MICAL3: variants seen among roughly 807,000 people sequenced by gnomAD.
The protein encoded by MICAL3 is microtubule associated monooxygenase, calponin and LIM domain containing 3.
MICAL3 carries 62 observed loss-of-function variants against 207.4 expected under a neutral mutation model. That is an observed-to-expected ratio of 0.30 (90% CI 0.24 to 0.37). The LOEUF (loss-of-function observed/expected upper bound fraction) is 0.37. MICAL3 is among the 10% of genes least tolerant of loss of function. The pLI, the probability that MICAL3 is intolerant of heterozygous loss-of-function variation, is 1.00. For synonymous variants in MICAL3, 1,077 were observed against 1,069.3 expected (o/e 1.01, Z -0.14); for missense variants, 2,368 against 2,635.6 (o/e 0.90, Z 2.22).
At chr22:17,855,611 A>G (rs1401043526) in intron 19 of MICAL3, among the ~76,000 whole-genome samples, 2 of 152,258 alleles carry the variant, frequency 1.3e-5, no homozygotes, top group Admixed American at 1.3e-4. Context: ...GATGATATAG[A>G]GAAAATGAAG....
intron 1 of MICAL3, among the ~76,000 whole-genome samples, chr22:18,011,939 A>G (rs1256155676): frequency 6.6e-6 from 1 of 151,056 alleles, no homozygotes; most frequent in African/African-American, 2.4e-5. Context: ...AAAATTTTTT[A>G]AAAAAGAACT....
intron 29 of MICAL3, among the ~76,000 whole-genome samples, chr22:17,794,476 C>T (rs182702955): frequency 7.2e-5 from 11 of 152,378 alleles, no homozygotes; most frequent in East Asian, 3.9e-4. Flanking sequence ...CATCCGGTGA[C>T]GGGCCTCCAG....
At position 17,902,103 on chromosome 22, in the gene MICAL3, G is replaced by A. The variant is rs1931369581; in HGVS notation, c.590-124C>T. On this transcript the variant is annotated intron_variant, in intron 4 of 31. Transcript: ENST00000441493. This position sits in a 1 kb window ranked among gnomAD's most constrained non-coding sequence, Gnocchi z 4.5. The stretch of plus-strand genomic sequence containing the variant: ...TGGGCCAAAAACACTATGTGTAGAA[G>A]CAGTGGAGACAGAGGCTGTGCACGG... 3.0e-6 allele frequency: 2 copies of A among 672,292 alleles called. No individual in the cohort carries two copies. Among genetic ancestry groups the A allele is most frequent in the Non-Finnish European group, 5.2e-6 (2 of 388,070 alleles). 41.6% of individuals were successfully genotyped at this position (672,292 alleles called of 1,614,324 possible). A position where few individuals can be genotyped will look rare whatever the true frequency, so the allele number is the denominator to read the frequency against.
intron 16 of MICAL3, chr22:17,876,808 TTAGG>T (rs1239481072): frequency 3.5e-4 from 38 of 108,254 alleles, no homozygotes; most frequent in Non-Finnish European, 4.7e-4. Context: ...GTTATGGAGG[TTAGG>T]GAGGTTAGGG....
At chr22:17,794,043 C>T (rs930487512) in intron 29 of MICAL3, among the ~76,000 whole-genome samples, 7 of 152,314 alleles carry the variant, frequency 4.6e-5, no homozygotes, top group African/African-American at 7.2e-5. Context: ...CAGCACGGAA[C>T]TGAACGAGAG....
At chr22:17,974,468 T>G (rs960858682) in intron 1 of MICAL3, among the ~76,000 whole-genome samples, 2 of 152,170 alleles carry the variant, frequency 1.3e-5, no homozygotes, top group Non-Finnish European at 2.9e-5. Flanking sequence ...TCCCAACACT[T>G]TGGGAGGCCA....
rs115300659 is a variant in MICAL3, at chr22:17,988,359, C to T, written c.-75+35922G>A. On this transcript the variant is annotated intron_variant, in intron 1 of 31. Coordinates refer to ENST00000441493, the MANE Select transcript of MICAL3 (RefSeq NM_015241.3). ...TGTTCCAGTTCCTTGTCATGTCACA[C>T]CTGAATCATCCCCATCTGCCAGGGG... 3.9e-3 allele frequency among the ~76,000 whole-genome samples: 592 copies of T among 152,312 alleles called. 6 individuals carry two copies. Among genetic ancestry groups the T allele is most frequent in the African/African-American group, 0.014 (568 of 41,576 alleles).
chr22:17,818,907 T>G lies in MICAL3; in HGVS notation c.3754A>C (p.Thr1252Pro). ...ATGGGGAGTGGGCTGGGTGGGGGCGTGGAGGCCGCCACGGGTGGCTGGGGC... is the reference window on the plus strand; with the variant it reads ...ATGGGGAGTGGGCTGGGTGGGGGCGGGGAGGCCGCCACGGGTGGCTGGGGC... ...PQPQPPVAAS[T>P]PPPSPLPICS... is the part of the protein sequence containing the mutation. Residue 1252 changes from threonine (T) to proline (P), a missense_variant, in exon 26 of 32, where the codon ACG becomes CCG. Physicochemically the swap from Thr to Pro is conservative, Grantham distance 38. Coordinates refer to ENST00000441493, the MANE Select transcript of MICAL3 (RefSeq NM_015241.3). 6.4e-7 allele frequency: 1 copy of G among 1,562,662 alleles called. No homozygotes were observed. Among genetic ancestry groups the G allele is most frequent in the Non-Finnish European group, 8.7e-7 (1 of 1,154,218 alleles).
At chr22:17,943,876 T>C (rs1252509778) in intron 1 of MICAL3, among the ~76,000 whole-genome samples, 2 of 152,198 alleles carry the variant, frequency 1.3e-5, no homozygotes, top group Non-Finnish European at 2.9e-5. Flanking sequence ...AGGTGAGAGA[T>C]GGAGTTTTTC....
chr22:17,927,383 C>CA (rs2146309290), intron 1 of MICAL3, among the ~76,000 whole-genome samples: 1 of 152,310 alleles, frequency 6.6e-6, no homozygotes, highest in South Asian at 2.1e-4. Context: ...ACAATGCTGC[C>CA]ATAAACATGG....
intron 17 of MICAL3, among the ~76,000 whole-genome samples, chr22:17,870,329 C>T (rs1927586903): frequency 6.6e-6 from 1 of 152,186 alleles, no homozygotes; most frequent in Non-Finnish European, 1.5e-5. Context: ...TTGAACTTCA[C>T]AGATTTCCTC....
intron 23 of MICAL3, 52 bp from the exon 24 acceptor site, chr22:17,822,222 C>T: frequency 6.3e-7 from 1 of 1,574,958 alleles, no homozygotes; most frequent in Non-Finnish European, 8.6e-7. Flanking sequence ...GAGGCCAACT[C>T]CTTTTCCACC....
At chr22:17,836,473 A>C (rs1226850560) in intron 20 of MICAL3, among the ~76,000 whole-genome samples, 2 of 152,188 alleles carry the variant, frequency 1.3e-5, no homozygotes, top group Non-Finnish European at 2.9e-5. Flanking sequence ...CTTCTCCCAG[A>C]ACCCAAGAGT....
intron 1 of MICAL3, among the ~76,000 whole-genome samples, chr22:17,945,260 G>A (rs1224954933): frequency 3.3e-5 from 5 of 152,086 alleles, no homozygotes; most frequent in Non-Finnish European, 7.4e-5. Flanking sequence ...AGCCGGTGGT[G>A]GTGTAAAACG....
At chr22:18,021,755 C>A (rs1322172393) in intron 1 of MICAL3, among the ~76,000 whole-genome samples, 1 of 152,040 alleles carries the variant, frequency 6.6e-6, no homozygotes, top group East Asian at 1.9e-4. Flanking sequence ...GTAGGGAGAC[C>A]CTTCCTGGCC....
intron 1 of MICAL3, chr22:18,001,330 G>A (rs1460893786): frequency 6.6e-6 from 1 of 152,224 alleles, no homozygotes; most frequent in African/African-American, 2.4e-5. Context: ...GCTCGGGCGC[G>A]AGCAGGATGC....
At position 17,949,848 on chromosome 22, in the gene MICAL3, G is replaced by C. The variant is rs186167100; in HGVS notation, c.-74-42962C>G. On this transcript the variant is annotated intron_variant, in intron 1 of 31. Transcript: ENST00000441493. ...CAGATACTCCCTGTGTGCACACAAA[G>C]CAACTGGGGAGCCTGGCACAATGCG... 5.4e-3 allele frequency among the ~76,000 whole-genome samples: 828 copies of C among 152,358 alleles called. 13 individuals carry two copies. The highest frequency in any genetic ancestry group is 0.019 in the African/African-American group (781 of 41,584).
chr22:17,855,055 G>A (rs1363886635), intron 19 of MICAL3, among the ~76,000 whole-genome samples: 4 of 152,186 alleles, frequency 2.6e-5, no homozygotes, highest in African/African-American at 7.2e-5. Context: ...GTGCCTTGCC[G>A]AGGTCAGGCC....
intron 1 of MICAL3, among the ~76,000 whole-genome samples, chr22:17,976,559 GTGTATATATATA>G (rs1305624327): frequency 3.8e-5 from 3 of 78,802 alleles, no homozygotes; most frequent in African/African-American, 1.5e-4. Context: ...GTGTGTGTGT[GTGTATATATATA>G]TATATATATA....
Sources: gnomAD v4.1 joint callset for allele counts (sites outside exome capture counted in the v4.1 genomes callset) on GRCh38, gnomAD v4.1.1 for gene constraint, Gnocchi (gnomAD v3.1) non-coding constraint, MANE v1.5 for transcripts, NCBI Gene and HGNC (gene_info 2026-07-23, HGNC 2026-07-21) for gene names.